Variants in RPS27 observed in about 807,000 individuals in gnomAD.
RPS27 encodes small ribosomal subunit protein eS27.
A neutral mutation model predicts 11.8 loss-of-function variants in RPS27; 1 was observed. The observed-to-expected ratio is 0.08, with a 90% CI of 0.03 to 0.40. The LOEUF is 0.40. Among genes scored for constraint, RPS27 ranks in the 10% least tolerant of loss-of-function variants. RPS27 has a pLI of 0.98. For missense variants in RPS27, 44 were observed against 100.1 expected, an observed-to-expected ratio of 0.44 and a Z score of 2.39; for synonymous variants, 42 against 33.8, an observed-to-expected ratio of 1.24 and a Z score of -0.84.
chr1:153,991,005 C>G, intron 1 of RPS27, 110 bp from the exon 2 acceptor site: 7 of 1,155,504 alleles, frequency 6.1e-6, no homozygotes, highest in Non-Finnish European at 8.7e-6. Context: ...TGCGCAGACA[C>G]CAGGGGCGGC....
chr1:153,992,013 G>C, intron 3 of RPS27, 52 bp from the exon 4 acceptor site: 1 of 1,561,350 alleles, frequency 6.4e-7, no homozygotes, highest in Non-Finnish European at 8.8e-7. Context: ...TGGGAGAGGT[G>C]GGCAGAATAC....
chr1:153,991,539 A>G (rs1431467343), intron 2 of RPS27, 27 bp from the exon 3 acceptor site: 1 of 1,571,826 alleles, frequency 6.4e-7, no homozygotes, highest in East Asian at 2.2e-5. Context: ...TAATAGAGGA[A>G]AAAAATGTTA....
chr1:153,991,034 G>C, intron 1 of RPS27, 81 bp from the exon 2 acceptor site: 1 of 1,225,796 alleles, frequency 8.2e-7, no homozygotes, highest in East Asian at 2.6e-5. Context: ...AGCTCTCCCC[G>C]GTGTGTGACA....
chr1:153,992,101 C>CTT lies in RPS27; in HGVS notation c.*9_*10insTT, dbSNP rs761618260. On this transcript the variant is annotated 3_prime_UTR_variant, in exon 4 of 4. Coordinates refer to ENST00000651669, the MANE Select transcript of RPS27 (RefSeq NM_001030.6). Reference sequence around the variant, plus strand: ...AGGAGGAAGCAGCACTAAAAGCACTCTGAGTCAAGATGAGTGGGAAACCAT... The same window carrying CTT: ...AGGAGGAAGCAGCACTAAAAGCACTCTTTGAGTCAAGATGAGTGGGAAACCAT... 2 of 1,608,994 alleles carry CTT rather than the reference C, an allele frequency of 1.2e-6. No individual in the cohort carries two copies. The highest frequency in any genetic ancestry group is 2.7e-5 in the African/African-American group (2 of 74,864).
At position 153,990,786 on chromosome 1, in the gene RPS27, C is replaced by G. The variant is rs374881006; in HGVS notation, c.-11C>G. ...TCCTTTCCGGCGGTGACGACCTACG[C>G]ACACGAGAACATGCCTGTGAGTGCT... On this transcript the variant is annotated 5_prime_UTR_variant, in exon 1 of 4. Transcript: ENST00000651669. 3 of 1,614,228 alleles carry G rather than the reference C, an allele frequency of 1.9e-6. No homozygotes were observed. The highest frequency in any genetic ancestry group is 2.5e-6 in the Non-Finnish European group (3 of 1,180,040).
At chr1:153,991,928 C>G in intron 3 of RPS27, 137 bp from the exon 4 acceptor site, 4 of 836,266 alleles carry the variant, frequency 4.8e-6, no homozygotes, top group Non-Finnish European at 8.1e-6. Flanking sequence ...ACCAGTGATA[C>G]AAATGCGCAG....
chr1:153,991,232 A>G lies in RPS27; in HGVS notation c.115+9A>G, dbSNP rs1318321353. The stretch of plus-strand genomic sequence containing the variant: ...GGATGTGAAATGCCCAGGTGAGGAG[A>G]CGGCTTGCTGTAGTGGGGAAAGCAC... On this transcript the variant is annotated intron_variant, in intron 2 of 3. Coordinates refer to ENST00000651669, the MANE Select transcript of RPS27 (RefSeq NM_001030.6). The G allele has an allele frequency of 1.9e-6, 3 of 1,590,152 alleles. No homozygotes were observed. Among genetic ancestry groups the G allele is most frequent in the African/African-American group, 1.3e-5 (1 of 74,560 alleles).
In RPS27 at chr1:153,992,087, G is replaced by A. The variant is rs561486197; in HGVS notation, c.249G>A (p.Gln83=). The change falls in exon 4 of 4, where the codon CAG becomes CAA. Residue 83 remains glutamine, a synonymous_variant. Transcript: ENST00000651669. The stretch of plus-strand genomic sequence containing the variant: ...CAGGATGTTCCTTCAGGAGGAAGCA[G>A]CACTAAAAGCACTCTGAGTCAAGAT... The part of the protein sequence containing the change: ...LTEGCSFRRK[Q]H 2 of 1,611,754 alleles carry A rather than the reference G, an allele frequency of 1.2e-6. No individual in the cohort carries two copies. Among genetic ancestry groups the A allele is most frequent in the East Asian group, 2.2e-5 (1 of 44,864 alleles).
chr1:153,991,068 C>T, intron 1 of RPS27, 47 bp from the exon 2 acceptor site: 1 of 1,438,232 alleles, frequency 7.0e-7, no homozygotes, highest in Admixed American at 2.2e-5. Context: ...TCGACCATCC[C>T]ATTTTCGCTG....
intron 3 of RPS27, 154 bp downstream of exon 3, chr1:153,991,830 C>T: frequency 6.0e-6 from 4 of 664,028 alleles, no homozygotes; most frequent in Non-Finnish European, 1.1e-5. Context: ...TAACTAGATA[C>T]TACCAAAAGC....
At chr1:153,991,019 G>A in intron 1 of RPS27, 96 bp from the exon 2 acceptor site, 1 of 1,171,110 alleles carries the variant, frequency 8.5e-7, no homozygotes, top group South Asian at 1.4e-5. Flanking sequence ...GGGCGGCGAG[G>A]GGCGAGCTCT....
rs1192437249 is a variant in RPS27 at position 153,991,177 on chromosome 1, C to G, written c.69C>G (p.Arg23=). 35 of 1,599,706 alleles carry G rather than the reference C, an allele frequency of 2.2e-5. No individual in the cohort carries two copies. Among genetic ancestry groups the G allele is most frequent in the Admixed American group, 5.1e-5 (3 of 58,978 alleles). ...AGAAGAGGAAACACAAGAAGAAACG[C>G]CTGGTGCAGAGCCCCAATTCCTACT... The part of the protein sequence containing the change: ...EEEKRKHKKK[R]LVQSPNSYFM... Residue 23 remains arginine, a synonymous_variant, in exon 2 of 4, where the codon CGC becomes CGG. Transcript: ENST00000651669.
chr1:153,991,092 C>T (rs888304390), intron 1 of RPS27, 23 bp from the exon 2 acceptor site: 107 of 1,522,566 alleles, frequency 7.0e-5, no homozygotes, highest in Non-Finnish European at 9.5e-5. Context: ...GTTTCTAAAT[C>T]TCTGCATTTC....
rs775007778 is a variant in RPS27, at chr1:153,992,052, C to T, written c.227-13C>T. ...TACTGATGACAGCTAATCTCTGAAT[C>T]TTTTTCCTCCAGGATGTTCCTTCAG... On this transcript the variant is annotated splice_polypyrimidine_tract_variant and intron_variant, in intron 3 of 3. Transcript: ENST00000651669. 2.2e-5 allele frequency: 36 copies of T among 1,613,132 alleles called. No individual in the cohort carries two copies. Among genetic ancestry groups the T allele is most frequent in the Non-Finnish European group, 2.9e-5 (34 of 1,179,416 alleles).
chr1:153,991,069 A>G (rs1031245116), intron 1 of RPS27, 46 bp from the exon 2 acceptor site: 1 of 1,448,356 alleles, frequency 6.9e-7, no homozygotes, highest in African/African-American at 1.4e-5. Context: ...CGACCATCCC[A>G]TTTTCGCTGT....
intron 1 of RPS27, 134 bp from the exon 2 acceptor site, chr1:153,990,981 G>A: frequency 8.4e-7 from 1 of 1,186,100 alleles, no homozygotes; most frequent in South Asian, 1.3e-5. Flanking sequence ...GAGGAGATAA[G>A]ATGGCGGCCC....
At chr1:153,991,429 T>G (rs1645173877) in intron 2 of RPS27, 137 bp from the exon 3 acceptor site, 2 of 1,384,286 alleles carry the variant, frequency 1.4e-6, no homozygotes, top group Admixed American at 4.6e-5. Context: ...CATTTCACCG[T>G]GATCTCTCAT....
Position 153,991,456 on chromosome 1 carries a change from C to A in RPS27, c.116-110C>A, listed in dbSNP as rs956402950. ...ATCTCTCATCACATTTCACATACAA[C>A]CCCTACGTTTTTTTGTGTTGGGAAA... is the stretch of plus-strand genomic sequence containing the variant. On this transcript the variant is annotated intron_variant, in intron 2 of 3. Coordinates refer to ENST00000651669, the MANE Select transcript of RPS27 (RefSeq NM_001030.6). 17 of 1,356,508 alleles carry A rather than the reference C, an allele frequency of 1.3e-5. No individual in the cohort carries two copies. In the East Asian group the frequency reaches 4.0e-4, roughly 32 times the overall value. The allele number at this position is 1,356,508 out of a possible 1,614,324, so 84.0% of individuals were successfully genotyped here. A position where few individuals can be genotyped will look rare whatever the true frequency, so the allele number is the denominator to read the frequency against.
Position 153,991,171 on chromosome 1 carries a change from G to A in RPS27, c.63G>A (p.Lys21=), listed in dbSNP as rs535253077. Residue 21 remains lysine, a synonymous_variant, in exon 2 of 4, where the codon AAG becomes AAA. Coordinates refer to ENST00000651669, the MANE Select transcript of RPS27 (RefSeq NM_001030.6). ...SPEEEKRKHK[K]KRLVQSPNSY... is the part of the protein sequence containing the mutation. ...AAGAGGAGAAGAGGAAACACAAGAA[G>A]AAACGCCTGGTGCAGAGCCCCAATT... 131 of 1,599,624 alleles carry A rather than the reference G, an allele frequency of 8.2e-5. 5 individuals are homozygous for A. The South Asian group carries it at 1.4e-3, about 18-fold the overall frequency.
Sources: allele counts gnomAD v4.1 joint callset, GRCh38; gene constraint gnomAD v4.1.1; transcripts MANE v1.5; gene names NCBI Gene and HGNC (gene_info 2026-07-23, HGNC 2026-07-21).